Variants in NUP35 observed in about 807,000 individuals in gnomAD.
NUP35 encodes nucleoporin 35.
NUP35 carries 25 observed loss-of-function variants against 41.5 expected under a neutral mutation model. That is an observed-to-expected ratio of 0.60 (90% CI 0.44 to 0.84). The LOEUF (loss-of-function observed/expected upper bound fraction) is 0.84. Ranked by LOEUF, NUP35 falls within the 40% of genes least tolerant of loss-of-function variation. The pLI is 0.00. For missense variants in NUP35, 396 were observed against 396.6 expected (o/e 1.00, Z 0.01); for synonymous variants, 149 against 130.7 (o/e 1.14, Z -0.96).
chr2:183,151,448 G>T (rs1490139627), intron 4 of NUP35, 60 bp from the exon 5 acceptor site: 3 of 1,508,280 alleles, frequency 2.0e-6, no homozygotes, highest in Non-Finnish European at 2.7e-6. Flanking sequence ...TAAGATTTTT[G>T]ATTTAGAATC....
At chr2:183,159,735 T>C in intron 8 of NUP35, 83 bp downstream of exon 8, 1 of 1,104,414 alleles carries the variant, frequency 9.1e-7, no homozygotes, top group African/African-American at 1.6e-5. Flanking sequence ...TATTGATTTG[T>C]ATGCCATTAA....
At chr2:183,119,751 C>A (rs982962130), upstream of NUP35, among the ~76,000 whole-genome samples, 1 of 152,096 alleles carries the variant, frequency 6.6e-6, no homozygotes, top group Non-Finnish European at 1.5e-5. Context: ...GTAACAGGAT[C>A]ATGGCTCACT....
intron 5 of NUP35, 65 bp from the exon 6 acceptor site, chr2:183,157,379 G>C: frequency 8.9e-7 from 1 of 1,117,710 alleles, no homozygotes; most frequent in Non-Finnish European, 1.4e-6. Flanking sequence ...ACATTATCTT[G>C]TAGTAATTTG....
intron 8 of NUP35, chr2:183,160,437 G>T (rs1328544534): frequency 6.6e-6 from 1 of 151,970 alleles, no homozygotes; most frequent in East Asian, 1.9e-4. Context: ...ACCTAGGCTG[G>T]AGTACAGTGG....
At chr2:183,121,102 G>T (rs1700060575), upstream of NUP35, among the ~76,000 whole-genome samples, 1 of 151,986 alleles carries the variant, frequency 6.6e-6, no homozygotes, top group Admixed American at 6.6e-5. Flanking sequence ...GAAATAGGAA[G>T]TGTAGCATCA....
chr2:183,132,990 T>G (rs1684748522), intron 3 of NUP35, among the ~76,000 whole-genome samples: 1 of 152,240 alleles, frequency 6.6e-6, no homozygotes, highest in Admixed American at 6.5e-5. Context: ...TTCTCATTTA[T>G]TGATTGGATA....
At chr2:183,139,011 T>A (rs762661930) in intron 4 of NUP35, among the ~76,000 whole-genome samples, 1 of 152,136 alleles carries the variant, frequency 6.6e-6, no homozygotes, top group African/African-American at 2.4e-5. Context: ...TACCTGATTA[T>A]GAACTCCTTC....
intron 3 of NUP35, 103 bp downstream of exon 3, chr2:183,130,648 A>G: frequency 8.2e-7 from 1 of 1,225,630 alleles, no homozygotes; most frequent in Non-Finnish European, 1.2e-6. Context: ...AGTCTGTTTT[A>G]ATGTAACTGT....
chr2:183,144,387 A>G (rs879945083), intron 4 of NUP35, among the ~76,000 whole-genome samples: 1 of 152,212 alleles, frequency 6.6e-6, no homozygotes, highest in Non-Finnish European at 1.5e-5. Context: ...AGCAGAGACC[A>G]AATCCCTTAT....
intron 6 of NUP35, 89 bp from the exon 7 acceptor site, chr2:183,158,194 A>G (rs547614647): frequency 2.0e-6 from 2 of 1,008,480 alleles, no homozygotes; most frequent in African/African-American, 3.3e-5. Context: ...AAGTAAATTT[A>G]TCTTACCATG....
intron 2 of NUP35, 40 bp from the exon 3 acceptor site, chr2:183,130,378 G>T: frequency 1.4e-6 from 2 of 1,417,734 alleles, no homozygotes; most frequent in Non-Finnish European, 1.9e-6. Flanking sequence ...TTACCAAAAA[G>T]AAGAATCCCT....
At chr2:183,141,242 C>T (rs1685085867) in intron 4 of NUP35, among the ~76,000 whole-genome samples, 1 of 152,094 alleles carries the variant, frequency 6.6e-6, no homozygotes, top group African/African-American at 2.4e-5. Context: ...GTAAAATCTC[C>T]TACTTCCCTC....
chr2:183,121,381 T>C (rs1700064904), upstream of NUP35, among the ~76,000 whole-genome samples: 1 of 152,024 alleles, frequency 6.6e-6, no homozygotes, highest in Non-Finnish European at 1.5e-5. Flanking sequence ...AATTAGCACA[T>C]GGTAGGTAGG....
chr2:183,130,634 C>T (rs1167961271), intron 3 of NUP35, 89 bp downstream of exon 3: 2 of 1,360,334 alleles, frequency 1.5e-6, no homozygotes, highest in Non-Finnish European at 1.0e-6. Flanking sequence ...AAATGTTTCC[C>T]TGAAGTCTGT....
Position 183,153,494 on chromosome 2 carries a change from A to G in NUP35, c.539+1845A>G, listed in dbSNP as rs1685539722. On this transcript the variant is annotated intron_variant, in intron 5 of 8. Transcript: ENST00000295119. ...CCATTCCAAATGGGAGAAATTGGCC[A>G]AAACAGAGGGGTTATAGGCCCCATG... Among the ~76,000 whole-genome samples, 3 of 152,312 alleles carry G rather than the reference A, an allele frequency of 2.0e-5. No individual in the cohort carries two copies. In the South Asian group the frequency reaches 6.2e-4, roughly 32 times the overall value.
At chr2:183,138,269 A>ATATATATATATATATATTT in intron 4 of NUP35, among the ~76,000 whole-genome samples, 40 of 80,650 alleles carry the variant, frequency 5.0e-4, no homozygotes, top group African/African-American at 2.0e-3. Context: ...ATATATATAT[A>ATATATATATATATATATTT]TTTTTTTTTT....
intron 3 of NUP35, chr2:183,131,247 ACTTTT>A (rs5836865): frequency 0.034 from 5,346 of 157,348 alleles, 330 homozygotes; most frequent in African/African-American, 0.12. Flanking sequence ...TGCCTGGCCG[ACTTTT>A]CTTTTAAGTA....
intron 1 of NUP35, among the ~76,000 whole-genome samples, chr2:183,127,776 G>A (rs1375218072): frequency 6.6e-6 from 1 of 152,164 alleles, no homozygotes; most frequent in Non-Finnish European, 1.5e-5. Context: ...AGCTGTCACA[G>A]ATAAATATTG....
At chr2:183,139,969 A>G (rs965979936) in intron 4 of NUP35, among the ~76,000 whole-genome samples, 14 of 152,266 alleles carry the variant, frequency 9.2e-5, no homozygotes, top group Admixed American at 7.9e-4. Flanking sequence ...ACCAGTATCC[A>G]CTACCAAATA....
Sources: gnomAD v4.1 joint callset for allele counts (sites outside exome capture counted in the v4.1 genomes callset) on GRCh38, gnomAD v4.1.1 for gene constraint, MANE v1.5 for transcripts, NCBI Gene and HGNC (gene_info 2026-07-23, HGNC 2026-07-21) for gene names.